The following ADAMTS17 variants were observed in gnomAD, a reference collection of about 807,000 sequenced individuals.
ADAMTS17 encodes the protein A disintegrin and metalloproteinase with thrombospondin motifs 17.
Under a neutral mutation model 141.5 loss-of-function variants are expected in ADAMTS17, and 113 were observed. The ratio of observed to expected loss-of-function variants is 0.80; its 90% CI spans 0.69 to 0.93. ADAMTS17 has a LOEUF of 0.93. Among genes scored for constraint, ADAMTS17 ranks in the 40% least tolerant of loss-of-function variants. The pLI, the probability that ADAMTS17 is intolerant of heterozygous loss-of-function variation, is 0.00. For missense variants in ADAMTS17, 1,659 were observed against 1,517.9 expected, an observed-to-expected ratio of 1.09 and a Z score of -1.54; for synonymous variants, 768 against 630.6, an observed-to-expected ratio of 1.22 and a Z score of -3.27.
At position 99,976,169 on chromosome 15, in the gene ADAMTS17, G is replaced by C; in HGVS notation, c.3003C>G (p.His1001Gln). The part of the protein sequence containing the change: ...GLQSRVVQCM[H>Q]KVTGRHGSEC... ...CGCTGCCGTGGCGCCCTGTGACCTTGTGCATGCACTGCACCACCCGGGACT... is the reference window on the plus strand; with the variant it reads ...CGCTGCCGTGGCGCCCTGTGACCTTCTGCATGCACTGCACCACCCGGGACT... The change falls in exon 21 of 22, where the codon CAC becomes CAG. Residue 1001 changes from histidine (H) to glutamine (Q), a missense_variant. Transcript: ENST00000268070. 1 of 1,550,440 alleles carries C rather than the reference G, an allele frequency of 6.4e-7. No individual in the cohort carries two copies. Among genetic ancestry groups the C allele is most frequent in the Non-Finnish European group, 8.7e-7 (1 of 1,147,012 alleles).
At position 100,050,662 on chromosome 15, in the gene ADAMTS17, C is replaced by T. The variant is rs151195411; in HGVS notation, c.2455+910G>A. Among the ~76,000 whole-genome samples, 55 of 152,276 alleles carry T rather than the reference C, an allele frequency of 3.6e-4. 1 individual carries two copies. The highest frequency in any genetic ancestry group is 3.4e-3 in the Middle Eastern group (1 of 294). On this transcript the variant is annotated intron_variant, in intron 17 of 21. Coordinates refer to ENST00000268070, the MANE Select transcript of ADAMTS17 (RefSeq NM_139057.4). Reference sequence around the variant, plus strand: ...ATATTGGACATCTAACAAAAGTTATCCAAGCAGTCAATAGGTGCTCAGGAC... The same window carrying T: ...ATATTGGACATCTAACAAAAGTTATTCAAGCAGTCAATAGGTGCTCAGGAC...
chr15:100,283,312 G>A (rs541113781), intron 3 of ADAMTS17, among the ~76,000 whole-genome samples: 128 of 152,314 alleles, frequency 8.4e-4, no homozygotes, highest in African/African-American at 2.8e-3. Flanking sequence ...AGGTGGCTGT[G>A]CCTTTGCACA....
At chr15:100,075,253 T>C (rs530304177) in intron 15 of ADAMTS17, among the ~76,000 whole-genome samples, 38 of 152,332 alleles carry the variant, frequency 2.5e-4, no homozygotes, top group African/African-American at 8.9e-4. Flanking sequence ...GTAATTCCTA[T>C]AGTTGTTTTA....
chr15:100,131,860 C>G (rs2038061693), intron 12 of ADAMTS17, 147 bp downstream of exon 12: 1 of 1,218,544 alleles, frequency 8.2e-7, no homozygotes. Flanking sequence ...CACGAGGTCC[C>G]TGCACCCTGG....
chr15:99,976,182 A>T lies in ADAMTS17; in HGVS notation c.2990T>A (p.Val997Glu). Reference protein sequence around the residue: ...TCGKGLQSRVVQCMHKVTGRH... With the variant: ...TCGKGLQSRVEQCMHKVTGRH... Reference sequence around the variant, plus strand: ...CCCTGTGACCTTGTGCATGCACTGCACCACCCGGGACTGCAGGCCCTTCCC... The same window carrying T: ...CCCTGTGACCTTGTGCATGCACTGCTCCACCCGGGACTGCAGGCCCTTCCC... Residue 997 changes from valine to glutamate, a missense_variant, in exon 21 of 22, where the codon GTG (valine) becomes GAG (glutamate). By Grantham distance (121) the Val-to-Glu change is moderately radical. Transcript: ENST00000268070. 1.3e-6 allele frequency: 2 copies of T among 1,549,662 alleles called. No individual in the cohort carries two copies. The highest frequency in any genetic ancestry group is 1.7e-6 in the Non-Finnish European group (2 of 1,146,990).
At chr15:100,272,815 T>A (rs11247176) in intron 4 of ADAMTS17, among the ~76,000 whole-genome samples, 102,380 of 150,024 alleles carry the variant, frequency 0.68, 36,280 homozygotes, top group East Asian at 0.95. Context: ...ACGGAGTGTA[T>A]TATTAGCTGT....
At chr15:100,064,316 C>T (rs2033360009) in intron 15 of ADAMTS17, among the ~76,000 whole-genome samples, 1 of 152,198 alleles carries the variant, frequency 6.6e-6, no homozygotes, top group Admixed American at 6.5e-5. Context: ...ACACCTTGAT[C>T]TCAGATTTCT....
At chr15:100,206,551 C>A (rs767003291) in intron 7 of ADAMTS17, among the ~76,000 whole-genome samples, 2 of 152,204 alleles carry the variant, frequency 1.3e-5, no homozygotes, top group Admixed American at 6.5e-5. Context: ...CTTTCAGCCT[C>A]CTCTATCTTC....
chr15:100,105,437 C>T (rs1341234876), intron 14 of ADAMTS17, among the ~76,000 whole-genome samples: 1 of 152,170 alleles, frequency 6.6e-6, no homozygotes, highest in Non-Finnish European at 1.5e-5. Context: ...CAGGCTGGTC[C>T]TGGGGATGGA....
At position 100,168,212 on chromosome 15, in the gene ADAMTS17, T is replaced by C. The variant is rs557464597; in HGVS notation, c.1182-12892A>G. ...CTCTCCTGGTCTGCCAAGGGTGCAC[T>C]GCGAATGACGGGAGGAACCACCTCC... On this transcript the variant is annotated intron_variant, in intron 8 of 21. Coordinates refer to ENST00000268070, the MANE Select transcript of ADAMTS17 (RefSeq NM_139057.4). 4.6e-5 allele frequency among the ~76,000 whole-genome samples: 7 copies of C among 152,286 alleles called. No homozygotes were observed. The East Asian group carries it at 1.4e-3, about 29-fold the overall frequency.
At chr15:100,063,780 G>T in intron 15 of ADAMTS17, 1 of 1,286,978 alleles carries the variant, frequency 7.8e-7, no homozygotes, top group African/African-American at 1.5e-5. Context: ...AAACGACACA[G>T]AAGTAAACCA....
intron 4 of ADAMTS17, among the ~76,000 whole-genome samples, chr15:100,265,220 C>T (rs930512171): frequency 2.0e-5 from 3 of 152,192 alleles, no homozygotes; most frequent in Non-Finnish European, 2.9e-5. Context: ...ACTGAGGTCC[C>T]GTGCCAAGCC....
intron 7 of ADAMTS17, among the ~76,000 whole-genome samples, chr15:100,227,050 T>C (rs1218230558): frequency 6.6e-6 from 1 of 152,144 alleles, no homozygotes; most frequent in Non-Finnish European, 1.5e-5. Context: ...CACCTGGGCC[T>C]CTCCTGGCTC....
intron 7 of ADAMTS17, among the ~76,000 whole-genome samples, chr15:100,223,744 G>GTA (rs142476336): frequency 0.19 from 27,657 of 148,810 alleles, 3,575 homozygotes; most frequent in African/African-American, 0.39. Context: ...ACATGTATGT[G>GTA]TATATATATA....
At chr15:100,211,793 T>C (rs2041818358) in intron 7 of ADAMTS17, among the ~76,000 whole-genome samples, 1 of 152,072 alleles carries the variant, frequency 6.6e-6, no homozygotes. Flanking sequence ...CACAAGAAGA[T>C]ATCAATTCAC....
chr15:100,023,040 C>T (rs567956501), intron 18 of ADAMTS17, among the ~76,000 whole-genome samples: 14 of 152,254 alleles, frequency 9.2e-5, no homozygotes, highest in East Asian at 3.9e-4. Flanking sequence ...TCTGTCTAAT[C>T]GGGCTTTAAG....
intron 8 of ADAMTS17, among the ~76,000 whole-genome samples, chr15:100,185,621 T>C (rs2040686368): frequency 6.6e-6 from 1 of 152,200 alleles, no homozygotes; most frequent in Non-Finnish European, 1.5e-5. Flanking sequence ...AGAACCCTCT[T>C]CCACTAAGTT....
At chr15:100,239,655 T>A (rs1233981919) in intron 7 of ADAMTS17, among the ~76,000 whole-genome samples, 2 of 152,164 alleles carry the variant, frequency 1.3e-5, no homozygotes, top group African/African-American at 4.8e-5. Flanking sequence ...TGCCATGCTT[T>A]GACGTCTAAT....
intron 8 of ADAMTS17, among the ~76,000 whole-genome samples, chr15:100,196,988 G>A (rs2041142575): frequency 6.6e-6 from 1 of 152,230 alleles, no homozygotes; most frequent in African/African-American, 2.4e-5. Context: ...GGTAATTGGA[G>A]TTCAATAGCA....
Sources: allele counts gnomAD v4.1 joint callset (sites outside exome capture counted in the v4.1 genomes callset), GRCh38; gene constraint gnomAD v4.1.1; transcripts MANE v1.5; gene names NCBI Gene and HGNC (gene_info 2026-07-23, HGNC 2026-07-21).